RHEB: variants seen among roughly 807,000 people sequenced by gnomAD.
RHEB encodes the protein Ras homolog, mTORC1 binding.
In RHEB, 2 loss-of-function variants were observed where a neutral mutation model predicts 28.8. That is an observed-to-expected ratio of 0.07 (90% confidence interval 0.03 to 0.22). The LOEUF (loss-of-function observed/expected upper bound fraction) is 0.22, where lower values mean the gene tolerates loss of function less well. Among genes scored for constraint, RHEB ranks in the 10% least tolerant of loss-of-function variants. RHEB has a pLI of 1.00. For synonymous variants in RHEB, 69 were observed against 77.3 expected (o/e 0.89, Z 0.56); for missense variants, 76 against 219.9 (o/e 0.35, Z 4.14).
At chr7:151,473,852 T>C (rs1426696877) in intron 4 of RHEB, among the ~76,000 whole-genome samples, 2 of 152,248 alleles carry the variant, frequency 1.3e-5, no homozygotes, top group Non-Finnish European at 2.9e-5. Context: ...AGAAGTTGAA[T>C]ACTGTGAGTT....
At chr7:151,501,963 C>T (rs1454674716) in intron 1 of RHEB, 11 of 647,840 alleles carry the variant, frequency 1.7e-5, no homozygotes, top group East Asian at 3.7e-5. Flanking sequence ...GCGGGCTGGG[C>T]GCCGTGGCTC....
chr7:151,479,216 A>G (rs915007783), intron 3 of RHEB, among the ~76,000 whole-genome samples: 19 of 152,278 alleles, frequency 1.2e-4, no homozygotes, highest in African/African-American at 4.6e-4. Flanking sequence ...GAGGACCAAA[A>G]GTAACCCTCA....
intron 1 of RHEB, among the ~76,000 whole-genome samples, chr7:151,499,920 T>C (rs763005293): frequency 6.6e-6 from 1 of 152,190 alleles, no homozygotes; most frequent in African/African-American, 2.4e-5. Context: ...GGGATCCTCT[T>C]GTCTCAGCCT....
intron 1 of RHEB, among the ~76,000 whole-genome samples, chr7:151,497,194 G>T (rs1802689501): frequency 6.6e-6 from 1 of 152,112 alleles, no homozygotes. Context: ...GCAAGCTAAG[G>T]TCTATCCCTC....
In RHEB at chr7:151,501,781, G is replaced by A. The variant is rs113175894; in HGVS notation, c.53-10767C>T. Reference sequence around the variant, plus strand: ...GTGACATCACGGGCCCCATGTGAGCGCACTGCAACACATGCAGTTGCCTGG... The same window carrying A: ...GTGACATCACGGGCCCCATGTGAGCACACTGCAACACATGCAGTTGCCTGG... On this transcript the variant is annotated intron_variant, in intron 1 of 7. Coordinates refer to ENST00000262187, the MANE Select transcript of RHEB (RefSeq NM_005614.4). 86 of 295,632 alleles carry A rather than the reference G, an allele frequency of 2.9e-4. 1 individual carries two copies. The highest frequency in any genetic ancestry group is 2.9e-3 in the South Asian group (80 of 28,002). 18.3% of individuals were successfully genotyped at this position (295,632 alleles called of 1,614,324 possible). A position where few individuals can be genotyped will look rare whatever the true frequency, so the allele number is the denominator to read the frequency against.
intron 1 of RHEB, chr7:151,501,871 C>A: frequency 1.6e-6 from 1 of 622,926 alleles, no homozygotes; most frequent in Non-Finnish European, 3.0e-6. Context: ...GAAGAGGAGG[C>A]AAGAAGATGG....
Position 151,484,782 on chromosome 7 carries a change from T to G in RHEB, c.147A>C (p.Val49=), listed in dbSNP as rs145626610. ...GTTGAAGATGATATTCTTGTCCATT[T>G]ACTGTGATCAACTTTGTAAAAGCTA... The part of the protein sequence containing the change: ...IENTFTKLIT[V]NGQEYHLQLV... Residue 49 remains valine (V), a synonymous_variant, in exon 3 of 8, where the codon GTA becomes GTC. Transcript: ENST00000262187. 2.8e-5 allele frequency: 45 copies of G among 1,612,938 alleles called. No homozygotes were observed. In the African/African-American group the frequency reaches 4.9e-4, roughly 18 times the overall value.
In RHEB at chr7:151,466,391, G is replaced by C. The variant is rs1187915788; in HGVS notation, c.*728C>G. On this transcript the variant is annotated 3_prime_UTR_variant, in exon 8 of 8. Transcript: ENST00000262187. ...TGCCTCTCAGCAGCTCCTCCTCCTT[G>C]ACCAGGCTCCCGACCACGGAGCATT... The C allele has an allele frequency of 6.6e-6, 1 of 152,346 alleles. No individual in the cohort carries two copies. Among genetic ancestry groups the C allele is most frequent in the Non-Finnish European group, 1.5e-5 (1 of 68,124 alleles). 9.4% of individuals were successfully genotyped at this position (152,346 alleles called of 1,614,324 possible). A position where few individuals can be genotyped will look rare whatever the true frequency, so the allele number is the denominator to read the frequency against.
chr7:151,510,766 C>T (rs568741435), intron 1 of RHEB, among the ~76,000 whole-genome samples: 1 of 152,270 alleles, frequency 6.6e-6, no homozygotes, highest in Non-Finnish European at 1.5e-5. Flanking sequence ...CAAACAAATG[C>T]CAAATGTGAT....
Position 151,472,934 on chromosome 7 carries a change from G to A in RHEB, c.276-1329C>T, listed in dbSNP as rs551584999. ...GCATTACAGAACCACGGTTTCCTCC[G>A]CATGCTGTATTTGCCTATCTTTAAA... On this transcript the variant is annotated intron_variant, in intron 4 of 7. Coordinates refer to ENST00000262187, the MANE Select transcript of RHEB (RefSeq NM_005614.4). The surrounding 1 kb of genome is among the most constrained non-coding windows in gnomAD (Gnocchi z 5.2). Among the ~76,000 whole-genome samples, 2 of 152,180 alleles carry A rather than the reference G, an allele frequency of 1.3e-5. No homozygotes were observed. Among genetic ancestry groups the A allele is most frequent in the Non-Finnish European group, 1.5e-5 (1 of 68,034 alleles).
At position 151,519,778 on chromosome 7, in the gene RHEB, C is replaced by T. The variant is rs1584873390; in HGVS notation, c.-267G>A. On this transcript the variant is annotated 5_prime_UTR_variant, in exon 1 of 8. Coordinates refer to ENST00000262187, the MANE Select transcript of RHEB (RefSeq NM_005614.4). ...TCGCGCCGTGGCCCGCCGCCTCCGC[C>T]CCCCGAAATACGCGGGGGGTGCGTC... 6.1e-6 allele frequency: 2 copies of T among 326,590 alleles called. No homozygotes were observed. The highest frequency in any genetic ancestry group is 8.5e-4 in the Middle Eastern group (1 of 1,180). 20.2% of individuals were successfully genotyped at this position (326,590 alleles called of 1,614,324 possible).
chr7:151,485,291 T>A (rs888740811), intron 2 of RHEB, among the ~76,000 whole-genome samples: 1 of 152,190 alleles, frequency 6.6e-6, no homozygotes, highest in Non-Finnish European at 1.5e-5. Flanking sequence ...AAAACAGCAA[T>A]GAAACAGATG....
intron 4 of RHEB, among the ~76,000 whole-genome samples, chr7:151,475,251 T>C (rs1802252501): frequency 6.6e-6 from 1 of 152,172 alleles, no homozygotes; most frequent in Non-Finnish European, 1.5e-5. Context: ...GTCATCTAAT[T>C]TGTGCACACC....
At position 151,467,160 on chromosome 7, in the gene RHEB, C is replaced by T. The variant is rs551387324; in HGVS notation, c.514G>A (p.Gly172Arg). The T allele has an allele frequency of 3.7e-6, 6 of 1,613,734 alleles. No individual in the cohort carries two copies. The highest frequency in any genetic ancestry group is 1.3e-5 in the African/African-American group (1 of 75,016). The change falls in exon 8 of 8, where the codon GGG becomes AGG. Residue 172 changes from glycine (G) to arginine (R), a missense_variant. By Grantham distance (125) the Gly-to-Arg change is moderately radical. Coordinates refer to ENST00000262187, the MANE Select transcript of RHEB (RefSeq NM_005614.4). Reference protein sequence around the residue: ...RIILEAEKMDGAASQGKSSCS... With the variant: ...RIILEAEKMDRAASQGKSSCS... ...GAAGACTTGCCTTGTGAAGCTGCCC[C>T]GTCCATTTTTTCTGCCTCCAAAATT...
intron 3 of RHEB, among the ~76,000 whole-genome samples, chr7:151,482,632 A>G (rs1002144555): frequency 1.3e-5 from 2 of 152,238 alleles, no homozygotes; most frequent in African/African-American, 4.8e-5. Context: ...AGGATACAAA[A>G]GCAAACTGAA....
chr7:151,502,579 A>G, intron 1 of RHEB: 3 of 1,231,354 alleles, frequency 2.4e-6, no homozygotes, highest in Non-Finnish European at 3.6e-6. Context: ...CAAATTCCAT[A>G]AAGGGGCTCT....
intron 3 of RHEB, 30 bp downstream of exon 3, chr7:151,484,707 T>A (rs1026763748): frequency 6.7e-7 from 1 of 1,497,272 alleles, no homozygotes; most frequent in Non-Finnish European, 9.3e-7. Flanking sequence ...ATATGCTGTA[T>A]AAGATTCTGA....
intron 2 of RHEB, among the ~76,000 whole-genome samples, chr7:151,489,819 C>CT (rs1408009604): frequency 2.0e-5 from 3 of 152,178 alleles, no homozygotes; most frequent in Admixed American, 2.0e-4. Context: ...ATGGAAAAAC[C>CT]TTTCTTAGCT....
At chr7:151,508,381 C>T (rs1447049671) in intron 1 of RHEB, among the ~76,000 whole-genome samples, 1 of 152,142 alleles carries the variant, frequency 6.6e-6, no homozygotes, top group African/African-American at 2.4e-5. Context: ...ATTCACTCCT[C>T]ACAGTATCTG....
Sources: allele counts gnomAD v4.1 joint callset (sites outside exome capture counted in the v4.1 genomes callset), GRCh38; gene constraint gnomAD v4.1.1; non-coding constraint Gnocchi (gnomAD v3.1); transcripts MANE v1.5; gene names NCBI Gene and HGNC (gene_info 2026-07-23, HGNC 2026-07-21).